The following COA1 variants were observed in gnomAD, a reference collection of about 807,000 sequenced individuals.
The protein encoded by COA1 is cytochrome c oxidase assembly factor 1, also known as cytochrome c oxidase assembly factor 1 homolog.
COA1 carries 13 observed loss-of-function variants against 16.0 expected under a neutral mutation model. The observed-to-expected ratio is 0.81, with a 90% CI of 0.53 to 1.29. The LOEUF (loss-of-function observed/expected upper bound fraction) is 1.29, where lower values mean the gene tolerates loss of function less well. Among genes scored for constraint, COA1 ranks in the 50% most tolerant of loss-of-function variants. The pLI is 0.00. For synonymous variants in COA1, 65 were observed against 65.7 expected (o/e 0.99, Z 0.05); for missense variants, 179 against 177.0 (o/e 1.01, Z -0.06).
At chr7:43,614,107 A>G (rs2083124751) in intron 6 of COA1, among the ~76,000 whole-genome samples, 1 of 152,110 alleles carries the variant, frequency 6.6e-6, no homozygotes, top group African/African-American at 2.4e-5. Flanking sequence ...TGCCCATGAC[A>G]CCCTAAGCCT....
chr7:43,645,268 C>T lies in COA1; in HGVS notation c.247G>A (p.Asp83Asn). ...CACATTACCTTGGCATCAACAATGT[C>T]CACGAAGTTTTCCCTGTCGATGAGC... ...LKLIDRENFV[D>N]IVDAKLKIPV... The change falls in exon 4 of 6, where the codon GAC becomes AAC. Residue 83 changes from aspartate to asparagine, a missense_variant. Physicochemically the swap from Asp to Asn is conservative, Grantham distance 23. Transcript: ENST00000223336. The T allele has an allele frequency of 6.2e-7, 1 of 1,613,982 alleles. No individual in the cohort carries two copies. The highest frequency in any genetic ancestry group is 8.5e-7 in the Non-Finnish European group (1 of 1,179,952).
At chr7:43,678,844 T>TTA (rs1009242545) in intron 1 of COA1, among the ~76,000 whole-genome samples, 2 of 152,124 alleles carry the variant, frequency 1.3e-5, no homozygotes, top group Admixed American at 1.3e-4. Flanking sequence ...ACTGTAACCA[T>TTA]TATGGCATTA....
intron 6 of COA1, among the ~76,000 whole-genome samples, chr7:43,621,619 C>T (rs146159652): frequency 6.6e-6 from 1 of 152,210 alleles, no homozygotes; most frequent in East Asian, 1.9e-4. Flanking sequence ...AGGCACGTGC[C>T]AGCACAGCGG....
chr7:43,702,850 G>A (rs2094805547), intron 1 of COA1, among the ~76,000 whole-genome samples: 1 of 152,128 alleles, frequency 6.6e-6, no homozygotes, highest in African/African-American at 2.4e-5. Context: ...GTCTCAATCA[G>A]TTCAGCTCTG....
At chr7:43,697,203 T>C (rs2094558184) in intron 1 of COA1, among the ~76,000 whole-genome samples, 1 of 152,160 alleles carries the variant, frequency 6.6e-6, no homozygotes, top group African/African-American at 2.4e-5. Context: ...CAGTAAATGA[T>C]AGGTACATGG....
At chr7:43,651,809 C>A (rs1859874) in intron 1 of COA1, among the ~76,000 whole-genome samples, 22,166 of 151,888 alleles carry the variant, frequency 0.15, 2,184 homozygotes, top group Non-Finnish European at 0.21. Context: ...CCAGCCTGGG[C>A]AACTTGGTGG....
At chr7:43,716,638 A>C (rs1281928661) in intron 1 of COA1, among the ~76,000 whole-genome samples, 1 of 152,220 alleles carries the variant, frequency 6.6e-6, no homozygotes, top group Admixed American at 6.5e-5. Flanking sequence ...CCATTTTATG[A>C]GGAGAAATTC....
At chr7:43,623,584 T>G in intron 6 of COA1, 4 of 1,609,568 alleles carry the variant, frequency 2.5e-6, no homozygotes, top group Non-Finnish European at 3.4e-6. Context: ...CCTGAAATTC[T>G]TAGTTATGAT....
chr7:43,708,288 C>T (rs2095077241), intron 1 of COA1, among the ~76,000 whole-genome samples: 1 of 152,144 alleles, frequency 6.6e-6, no homozygotes, highest in South Asian at 2.1e-4. Flanking sequence ...AGTGAGAACT[C>T]ATCTCTACAA....
chr7:43,651,703 A>C (rs1320970076), intron 1 of COA1, among the ~76,000 whole-genome samples: 5 of 151,702 alleles, frequency 3.3e-5, no homozygotes, highest in East Asian at 1.9e-4. Context: ...AAAAAAAAAA[A>C]AAAAAAAAAC....
At chr7:43,725,225 C>G (rs988825299) in intron 1 of COA1, among the ~76,000 whole-genome samples, 1 of 147,344 alleles carries the variant, frequency 6.8e-6, no homozygotes, top group Non-Finnish European at 1.5e-5. Context: ...GCAACATGAA[C>G]GAAACTCCAT....
chr7:43,686,351 G>A (rs2094026997), intron 1 of COA1, among the ~76,000 whole-genome samples: 1 of 143,662 alleles, frequency 7.0e-6, no homozygotes, highest in Admixed American at 7.5e-5. Context: ...CTGTCGCCCA[G>A]GCGGGAGTGC....
At chr7:43,612,150 G>A (rs1181731955) in intron 6 of COA1, among the ~76,000 whole-genome samples, 2 of 152,166 alleles carry the variant, frequency 1.3e-5, no homozygotes, top group East Asian at 3.9e-4. Flanking sequence ...ACGATGACAG[G>A]CCTTTGATGT....
chr7:43,701,358 G>A (rs2094730860), intron 1 of COA1, among the ~76,000 whole-genome samples: 2 of 152,134 alleles, frequency 1.3e-5, no homozygotes. Context: ...AAGTGAGAAT[G>A]TGTGGTATTT....
intron 1 of COA1, chr7:43,658,596 A>G (rs796697288): frequency 2.0e-5 from 3 of 152,314 alleles, no homozygotes; most frequent in African/African-American, 7.2e-5. Flanking sequence ...AATCTACTCT[A>G]ATTTCACTCC....
chr7:43,722,852 A>ATT (rs1287774610), intron 1 of COA1, among the ~76,000 whole-genome samples: 1 of 152,358 alleles, frequency 6.6e-6, no homozygotes, highest in Non-Finnish European at 1.5e-5. Flanking sequence ...GATCTGGAAC[A>ATT]TCTAAGTCCA....
Position 43,647,556 on chromosome 7 carries a change from TGGCAAAGCCCCC to T in COA1, c.82_93del (p.Gly28_Ala31del). The T allele has an allele frequency of 1.2e-6, 2 of 1,613,964 alleles. No homozygotes were observed. Among genetic ancestry groups the T allele is most frequent in the Non-Finnish European group, 1.7e-6 (2 of 1,179,794 alleles). ...TTACTTTGAATGAGGTAATACACAATGGCAAAGCCCCCGGCATAGAACACACCGTGGAAAAGG... is the reference window on the plus strand; with the variant it reads ...TTACTTTGAATGAGGTAATACACAATGGCATAGAACACACCGTGGAAAAGG... On this transcript the variant is annotated inframe_deletion, in exon 3 of 6. Transcript: ENST00000223336.
chr7:43,647,830 T>C, intron 2 of COA1, 196 bp from the exon 3 acceptor site: 1 of 585,308 alleles, frequency 1.7e-6, no homozygotes, highest in Non-Finnish European at 3.0e-6. Flanking sequence ...GAGGGTGCCC[T>C]CTCGAGAGTG....
At chr7:43,671,883 G>A (rs1396609581) in intron 1 of COA1, among the ~76,000 whole-genome samples, 1 of 152,100 alleles carries the variant, frequency 6.6e-6, no homozygotes, top group African/African-American at 2.4e-5. Flanking sequence ...CTGTGAAGAA[G>A]TGCCTTCTGC....
Sources: gnomAD v4.1 joint callset for allele counts (sites outside exome capture counted in the v4.1 genomes callset) on GRCh38, gnomAD v4.1.1 for gene constraint, MANE v1.5 for transcripts, NCBI Gene and HGNC (gene_info 2026-07-23, HGNC 2026-07-21) for gene names.